Variants in SEC31A observed in about 807,000 individuals in gnomAD.
SEC31A encodes protein transport protein Sec31A.
In SEC31A, 70 loss-of-function variants were observed where a neutral mutation model predicts 151.0. That is an observed-to-expected ratio of 0.46 (90% confidence interval 0.38 to 0.57). SEC31A has a LOEUF of 0.57. SEC31A is among the 20% of genes least tolerant of loss of function. The probability of loss-of-function intolerance (pLI) is 0.00; values close to 1 mark genes in which losing one functional copy is unlikely to be tolerated. For missense variants in SEC31A, 1,330 were observed against 1,471.2 expected (o/e 0.90, Z 1.57); for synonymous variants, 475 against 505.9 (o/e 0.94, Z 0.82).
intron 1 of SEC31A, among the ~76,000 whole-genome samples, chr4:82,882,216 ACAT>A (rs1739521844): frequency 6.6e-6 from 1 of 152,066 alleles, no homozygotes; most frequent in African/African-American, 2.4e-5. Flanking sequence ...ATCCTGGCTA[ACAT>A]GGTGAGACCC....
At chr4:82,890,965 G>A in intron 1 of SEC31A, 123 bp downstream of exon 1, 1 of 1,460,772 alleles carries the variant, frequency 6.8e-7, no homozygotes, top group Non-Finnish European at 9.1e-7. Flanking sequence ...GCCGTCACCA[G>A]AGACCGGGCC....
intron 3 of SEC31A, 28 bp downstream of exon 3, chr4:82,880,771 C>T (rs770320145): frequency 1.8e-5 from 29 of 1,570,690 alleles, no homozygotes; most frequent in Admixed American, 3.8e-5. Context: ...ATTAAATAAT[C>T]ACATGAATTT....
chr4:82,833,080 A>G (rs556433874), intron 22 of SEC31A, among the ~76,000 whole-genome samples: 90 of 152,362 alleles, frequency 5.9e-4, no homozygotes, highest in Middle Eastern at 3.4e-3. Context: ...ATTATAAATC[A>G]TTCTACGATA....
chr4:82,869,111 C>T (rs981845689), intron 8 of SEC31A, among the ~76,000 whole-genome samples: 1 of 151,458 alleles, frequency 6.6e-6, no homozygotes, highest in Non-Finnish European at 1.5e-5. Flanking sequence ...GAACAAATTC[C>T]AATTTTTATT....
chr4:82,853,471 G>T, intron 18 of SEC31A, 99 bp downstream of exon 18: 1 of 1,031,930 alleles, frequency 9.7e-7, no homozygotes, highest in Non-Finnish European at 1.4e-6. Flanking sequence ...AGAAGTTCTT[G>T]AATGTATAGA....
In SEC31A at chr4:82,851,470, A is replaced by T; in HGVS notation, c.2289T>A (p.Ile763=). ...YANLLAAQGS[I]AAALAFLPDN... The stretch of plus-strand genomic sequence containing the variant: ...CAGGAAGAAAAGCCAAGGCTGCAGC[A>T]ATACTGCCCTGAGCTGCCAACAAAT... Residue 763 remains isoleucine, a synonymous_variant, in exon 19 of 27, where the codon ATT becomes ATA. Transcript: ENST00000395310. 6.2e-7 allele frequency: 1 copy of T among 1,613,840 alleles called. No homozygotes were observed. Among genetic ancestry groups the T allele is most frequent in the South Asian group, 1.1e-5 (1 of 91,016 alleles).
At chr4:82,885,026 T>C (rs759969238) in intron 1 of SEC31A, among the ~76,000 whole-genome samples, 2 of 152,214 alleles carry the variant, frequency 1.3e-5, no homozygotes, top group Non-Finnish European at 2.9e-5. Context: ...AATGTTCAAA[T>C]TCACTGTCAA....
chr4:82,823,664 T>C (rs1723910464), intron 25 of SEC31A, among the ~76,000 whole-genome samples: 2 of 152,350 alleles, frequency 1.3e-5, no homozygotes, highest in African/African-American at 4.8e-5. Context: ...AATACAGGGG[T>C]ATCTTAAGTA....
At chr4:82,820,622 T>C (rs1640531984) in intron 26 of SEC31A, among the ~76,000 whole-genome samples, 2 of 152,152 alleles carry the variant, frequency 1.3e-5, no homozygotes, top group Non-Finnish European at 1.5e-5. Context: ...TTTTGTATAA[T>C]GGCTATCCTA....
intron 16 of SEC31A, 66 bp from the exon 17 acceptor site, chr4:82,855,095 T>A: frequency 7.6e-7 from 1 of 1,313,468 alleles, no homozygotes; most frequent in Non-Finnish European, 1.0e-6. Flanking sequence ...TAATTCTGAC[T>A]AATTAATTGT....
intron 22 of SEC31A, among the ~76,000 whole-genome samples, chr4:82,834,716 A>G (rs1726803881): frequency 6.6e-6 from 1 of 152,144 alleles, no homozygotes; most frequent in Non-Finnish European, 1.5e-5. Flanking sequence ...CAGAACCCCA[A>G]CAGTCCTTTT....
chr4:82,829,985 T>C lies in SEC31A; in HGVS notation c.2969-927A>G, dbSNP rs573171060. On this transcript the variant is annotated intron_variant, in intron 22 of 26. Coordinates refer to ENST00000395310, the MANE Select transcript of SEC31A (RefSeq NM_001077207.4). ...GATACTTGCTAAAGAAACTTTTGTG[T>C]ATGTATATATGTAAAGACAAAAAAA... 5.3e-5 allele frequency among the ~76,000 whole-genome samples: 8 copies of C among 152,352 alleles called. No individual in the cohort carries two copies. The South Asian group carries it at 1.7e-3, about 32-fold the overall frequency.
At position 82,827,464 on chromosome 4, in the gene SEC31A, C is replaced by T. The variant is rs149931236; in HGVS notation, c.3196G>A (p.Val1066Ile). 751 of 1,614,166 alleles carry T rather than the reference C, an allele frequency of 4.7e-4. 3 individuals carry two copies. Among genetic ancestry groups the T allele is most frequent in the Middle Eastern group, 2.3e-3 (14 of 6,062 alleles). The change falls in exon 24 of 27, where the codon GTA (valine) becomes ATA (isoleucine). Residue 1066 changes from valine to isoleucine, a missense_variant. Val to Ile is a conservative substitution (Grantham distance 29). Transcript: ENST00000395310. ...HLPGGQPFHGVQQPLGQTGMP... is the reference protein window; with the variant it reads ...HLPGGQPFHGIQQPLGQTGMP... ...CCTGTTTGACCAAGAGGTTGCTGTACGCCATGGAAGGGCTGGCCACCTGGA... is the reference window on the plus strand; with the variant it reads ...CCTGTTTGACCAAGAGGTTGCTGTATGCCATGGAAGGGCTGGCCACCTGGA...
At chr4:82,877,354 T>C (rs138004385) in intron 4 of SEC31A, 1 of 149,090 alleles carries the variant, frequency 6.7e-6, no homozygotes, top group Non-Finnish European at 1.5e-5. Context: ...TTTTGGTTGT[T>C]ATAATCTAGT....
Position 82,848,993 on chromosome 4 carries a change from A to C in SEC31A, c.2329-16T>G. ...TGATATTTGGCTAAAAAGGATTGGA[A>C]AAACAGCAGACTGTTGAGAGTTCAC... On this transcript the variant is annotated splice_polypyrimidine_tract_variant and intron_variant, in intron 19 of 26. Coordinates refer to ENST00000395310, the MANE Select transcript of SEC31A (RefSeq NM_001077207.4). 1 of 1,609,556 alleles carries C rather than the reference A, an allele frequency of 6.2e-7. No homozygotes were observed. The highest frequency in any genetic ancestry group is 1.1e-5 in the South Asian group (1 of 90,322).
At chr4:82,822,758 G>A (rs1202648826) in intron 25 of SEC31A, among the ~76,000 whole-genome samples, 2 of 152,162 alleles carry the variant, frequency 1.3e-5, no homozygotes, top group African/African-American at 4.8e-5. Flanking sequence ...CGGATCACCT[G>A]ATGTTGGGAG....
chr4:82,835,531 T>C (rs1185626752), intron 22 of SEC31A, among the ~76,000 whole-genome samples: 1 of 152,200 alleles, frequency 6.6e-6, no homozygotes, highest in African/African-American at 2.4e-5. Flanking sequence ...GCGTGGTGGC[T>C]TACGCCTGTA....
At chr4:82,874,867 A>T in intron 5 of SEC31A, 116 bp from the exon 6 acceptor site, 1 of 1,268,006 alleles carries the variant, frequency 7.9e-7, no homozygotes, top group Admixed American at 2.7e-5. Context: ...TGATCCATTT[A>T]TGCCACAAAT....
At chr4:82,847,016 G>A (rs541764779) in intron 20 of SEC31A, among the ~76,000 whole-genome samples, 31 of 152,162 alleles carry the variant, frequency 2.0e-4, no homozygotes, top group African/African-American at 7.2e-4. Context: ...CGCCTGGCCT[G>A]CTTACTTCAT....
Sources: gnomAD v4.1 joint callset for allele counts (sites outside exome capture counted in the v4.1 genomes callset) on GRCh38, gnomAD v4.1.1 for gene constraint, MANE v1.5 for transcripts, NCBI Gene and HGNC (gene_info 2026-07-23, HGNC 2026-07-21) for gene names.